The following FREM3 variants were observed in gnomAD, a reference collection of about 807,000 sequenced individuals.
FREM3 encodes FRAS1 related extracellular matrix 3.
In FREM3, 105 loss-of-function variants were observed where a neutral mutation model predicts 129.1. The observed-to-expected ratio is 0.81, with a 90% CI of 0.69 to 0.96. The LOEUF (loss-of-function observed/expected upper bound fraction) is 0.96. Among genes scored for constraint, FREM3 ranks in the 40% least tolerant of loss-of-function variants. The pLI, the probability that FREM3 is intolerant of heterozygous loss-of-function variation, is 0.00. For missense variants in FREM3, 2,593 were observed against 2,666.3 expected, an observed-to-expected ratio of 0.97 and a Z score of 0.61; for synonymous variants, 1,014 against 1,044.9, an observed-to-expected ratio of 0.97 and a Z score of 0.57.
intron 2 of FREM3, among the ~76,000 whole-genome samples, chr4:143,661,765 G>A (rs569257456): frequency 9.9e-5 from 15 of 152,118 alleles, no homozygotes; most frequent in Admixed American, 2.6e-4. Context: ...CACAATTTCA[G>A]CTCCTGTTAT....
At chr4:143,606,466 T>C (rs1158428925) in intron 6 of FREM3, among the ~76,000 whole-genome samples, 1 of 152,094 alleles carries the variant, frequency 6.6e-6, no homozygotes, top group Non-Finnish European at 1.5e-5. Flanking sequence ...CTGTGGGTTT[T>C]GAACATGAAG....
chr4:143,584,368 C>T (rs1281323807), intron 7 of FREM3, among the ~76,000 whole-genome samples: 1 of 148,172 alleles, frequency 6.7e-6, no homozygotes. Flanking sequence ...GAGATTGCGC[C>T]ACTGCGGTCC....
intron 5 of FREM3, among the ~76,000 whole-genome samples, chr4:143,612,014 A>G (rs1738765770): frequency 6.6e-6 from 1 of 152,188 alleles, no homozygotes; most frequent in Non-Finnish European, 1.5e-5. Context: ...ATATAGCCAG[A>G]AAATTATATC....
chr4:143,684,797 T>G (rs911086624), intron 2 of FREM3, among the ~76,000 whole-genome samples: 1 of 152,206 alleles, frequency 6.6e-6, no homozygotes. Context: ...GGGAAATAGA[T>G]AGCTTAGAGA....
intron 2 of FREM3, among the ~76,000 whole-genome samples, chr4:143,672,631 G>A (rs544387401): frequency 1.3e-5 from 2 of 152,176 alleles, no homozygotes; most frequent in Non-Finnish European, 2.9e-5. Flanking sequence ...GAATTTGAAT[G>A]TTGGCCTGTC....
intron 2 of FREM3, among the ~76,000 whole-genome samples, chr4:143,659,032 CT>C (rs34378952): frequency 0.58 from 80,412 of 139,386 alleles, 23,602 homozygotes; most frequent in East Asian, 0.71. Flanking sequence ...AGGTTATTTT[CT>C]TTTTTTTTTT....
Position 143,585,698 on chromosome 4 carries a change from G to A in FREM3, c.6178+146C>T. On this transcript the variant is annotated intron_variant, in intron 7 of 7. Coordinates refer to ENST00000329798, the MANE Select transcript of FREM3 (RefSeq NM_001168235.2). The surrounding 1 kb of genome is among the most constrained non-coding windows in gnomAD (Gnocchi z 4.2). ...TTTTGTAACCAGCAGAAGTCATTAT[G>A]TATACAAACCATCTACGTGCTGAAG... 1.4e-6 allele frequency: 1 copy of A among 727,256 alleles called. No homozygotes were observed. The highest frequency in any genetic ancestry group is 2.1e-5 in the South Asian group (1 of 47,312). 45.1% of individuals were successfully genotyped at this position (727,256 alleles called of 1,614,324 possible).
chr4:143,693,241 A>G, intron 1 of FREM3, 39 bp from the exon 2 acceptor site: 1 of 1,061,446 alleles, frequency 9.4e-7, no homozygotes, highest in Non-Finnish European at 1.3e-6. Flanking sequence ...TCATATTGGC[A>G]CAAATGAAAA....
intron 2 of FREM3, among the ~76,000 whole-genome samples, chr4:143,668,755 T>G (rs1739911754): frequency 6.6e-6 from 1 of 152,238 alleles, no homozygotes; most frequent in Non-Finnish European, 1.5e-5. Flanking sequence ...CAATTTCTCA[T>G]AAACACAGGC....
Position 143,695,604 on chromosome 4 carries a change from T to C in FREM3, c.5072A>G (p.Glu1691Gly), listed in dbSNP as rs1189634074. The C allele has an allele frequency of 5.9e-6, 9 of 1,537,360 alleles. No individual in the cohort carries two copies. Among genetic ancestry groups the C allele is most frequent in the Non-Finnish European group, 7.8e-6 (9 of 1,146,950 alleles). The change falls in exon 1 of 8, where the codon GAA (glutamate) becomes GGA (glycine). Residue 1691 changes from glutamate to glycine, a missense_variant. Glu to Gly is a moderately conservative substitution (Grantham distance 98, BLOSUM62 -2). Around this residue, in one of 2 missense-constraint regions of FREM3, gnomAD observed 2,276 missense variants for 2,267.2 expected, o/e 1.00. Transcript: ENST00000329798. ...AAGCCTGTGGGGACTGTCCTGATCT[T>C]CTGCCTTCAGAGACTTGCTGGTAAT... ...FLITSKSLKA[E>G]DQDSPHRLLK... is the part of the protein sequence containing the mutation.
At position 143,668,972 on chromosome 4, in the gene FREM3, C is replaced by T. The variant is rs148846294; in HGVS notation, c.5275+24141G>A. Among the ~76,000 whole-genome samples the T allele has an allele frequency of 8.0e-3, 1,211 of 152,296 alleles. 20 individuals are homozygous for T. Among genetic ancestry groups the T allele is most frequent in the African/African-American group, 0.027 (1,129 of 41,564 alleles). ...GTAGGTAGTTTTTCTATTAAAAATA[C>T]TGTCTTCAGTTCAGCAGACACTGAA... On this transcript the variant is annotated intron_variant, in intron 2 of 7. Transcript: ENST00000329798.
chr4:143,700,501 C>A lies in FREM3; in HGVS notation c.175G>T (p.Gly59Cys), dbSNP rs1740679129. Residue 59 changes from glycine to cysteine, a missense_variant, in exon 1 of 8, where the codon GGC becomes TGC. By Grantham distance (159) the Gly-to-Cys change is radical. Coordinates refer to ENST00000329798, the MANE Select transcript of FREM3 (RefSeq NM_001168235.2). ...RGALDGTRPD[G>C]PSVLIANPGL... ...GGGTTGGCAATCAGCACGCTGGGGC[C>A]GTCGGGGCGAGTGCCGTCAAGCGCA... The A allele has an allele frequency of 1.3e-6, 2 of 1,513,438 alleles. No homozygotes were observed. The highest frequency in any genetic ancestry group is 8.8e-7 in the Non-Finnish European group (1 of 1,133,730). 93.8% of individuals were successfully genotyped at this position (1,513,438 alleles called of 1,614,324 possible). A position where few individuals can be genotyped will look rare whatever the true frequency, so the allele number is the denominator to read the frequency against.
intron 6 of FREM3, among the ~76,000 whole-genome samples, chr4:143,610,850 C>T (rs1462439053): frequency 6.6e-6 from 1 of 152,068 alleles, no homozygotes; most frequent in Admixed American, 6.6e-5. Flanking sequence ...AAAAAGAGGT[C>T]CAGATGCTGA....
chr4:143,643,535 C>T (rs536489316), intron 2 of FREM3, among the ~76,000 whole-genome samples: 1 of 152,054 alleles, frequency 6.6e-6, no homozygotes, highest in Non-Finnish European at 1.5e-5. Context: ...TGGGAGACTT[C>T]ATGTTAAGTG....
At chr4:143,638,471 A>G (rs1209512347) in intron 2 of FREM3, among the ~76,000 whole-genome samples, 1 of 152,160 alleles carries the variant, frequency 6.6e-6, no homozygotes, top group East Asian at 1.9e-4. Flanking sequence ...AGAGAAAACA[A>G]TATAATATAA....
intron 6 of FREM3, among the ~76,000 whole-genome samples, chr4:143,586,438 T>C (rs914704545): frequency 3.9e-5 from 6 of 152,266 alleles, no homozygotes; most frequent in South Asian, 2.1e-4. Context: ...TTGATCACTA[T>C]GGCTATGCCT....
intron 2 of FREM3, among the ~76,000 whole-genome samples, chr4:143,668,992 A>G (rs893904424): frequency 6.6e-6 from 1 of 152,206 alleles, no homozygotes; most frequent in Non-Finnish European, 1.5e-5. Context: ...TTCAGCAGAC[A>G]CTGAAGAATG....
chr4:143,687,931 C>G (rs1052750789), intron 2 of FREM3, among the ~76,000 whole-genome samples: 1 of 152,150 alleles, frequency 6.6e-6, no homozygotes, highest in African/African-American at 2.4e-5. Context: ...AAGTTTGAAT[C>G]ATTCCCTTCG....
chr4:143,630,496 A>G (rs932360412), intron 2 of FREM3, among the ~76,000 whole-genome samples: 3 of 152,128 alleles, frequency 2.0e-5, no homozygotes, highest in Non-Finnish European at 4.4e-5. Flanking sequence ...CCCATACCAG[A>G]CAACACTATT....
Sources: gnomAD v4.1 joint callset for allele counts (sites outside exome capture counted in the v4.1 genomes callset) on GRCh38, gnomAD v4.1.1 for gene constraint, gnomAD v4.1.1 regional missense constraint, Gnocchi (gnomAD v3.1) non-coding constraint, MANE v1.5 for transcripts, NCBI Gene and HGNC (gene_info 2026-07-23, HGNC 2026-07-21) for gene names.